CWC22: variants seen among roughly 807,000 people sequenced by gnomAD.
CWC22 encodes CWC22 spliceosome associated protein.
A neutral mutation model predicts 117.2 loss-of-function variants in CWC22; 53 were observed. The observed-to-expected ratio is 0.45, with a 90% CI of 0.36 to 0.57. The LOEUF (loss-of-function observed/expected upper bound fraction) is 0.57. Ranked by LOEUF, CWC22 falls within the 20% of genes least tolerant of loss-of-function variation. The pLI is 0.00. For missense variants in CWC22, 980 were observed against 1,068.8 expected, an observed-to-expected ratio of 0.92 and a Z score of 1.16; for synonymous variants, 360 against 355.6, an observed-to-expected ratio of 1.01 and a Z score of -0.14.
intron 19 of CWC22, among the ~76,000 whole-genome samples, chr2:179,949,207 A>G (rs1024937254): frequency 6.6e-6 from 1 of 152,186 alleles, no homozygotes; most frequent in African/African-American, 2.4e-5. Flanking sequence ...CTACTGAGGG[A>G]CAGAGACACC....
intron 14 of CWC22, among the ~76,000 whole-genome samples, chr2:179,955,331 GGA>G (rs575713900): frequency 1.3e-5 from 2 of 151,806 alleles, no homozygotes; most frequent in African/African-American, 4.8e-5. Context: ...GACATATGAG[GGA>G]GAGATTTAAT....
rs1317159366 is a variant in CWC22 at position 179,950,660 on chromosome 2, A to G, written c.1992T>C (p.Asn664=). The G allele has an allele frequency of 9.9e-6, 16 of 1,613,540 alleles. No homozygotes were observed. Among genetic ancestry groups the G allele is most frequent in the Non-Finnish European group, 1.4e-5 (16 of 1,179,614 alleles). ...IVAQKPDVEQ[N]KSSPSSSSSA... is the part of the protein sequence containing the mutation. Reference sequence around the variant, plus strand: ...AAGAGGAAGAGGATGGGGAGGATTTATTTTGCTCAACATCTGGTTTCTGCG... The same window carrying G: ...AAGAGGAAGAGGATGGGGAGGATTTGTTTTGCTCAACATCTGGTTTCTGCG... The change falls in exon 19 of 20, where the codon AAT becomes AAC. Residue 664 remains asparagine, a synonymous_variant. Transcript: ENST00000410053.
chr2:179,996,941 A>G (rs114395554), intron 1 of CWC22, among the ~76,000 whole-genome samples: 2,071 of 152,260 alleles, frequency 0.014, 20 homozygotes, highest in South Asian at 0.028. Flanking sequence ...AGAAACTAAG[A>G]GAATTTATCA....
At chr2:179,975,367 T>C (rs981522729) in intron 6 of CWC22, among the ~76,000 whole-genome samples, 1 of 152,150 alleles carries the variant, frequency 6.6e-6, no homozygotes, top group African/African-American at 2.4e-5. Flanking sequence ...GCTTTTCCTC[T>C]AGGATCAGGA....
At chr2:180,000,796 T>C (rs1040552795) in intron 1 of CWC22, among the ~76,000 whole-genome samples, 2 of 151,754 alleles carry the variant, frequency 1.3e-5, no homozygotes, top group African/African-American at 4.8e-5. Context: ...TCAGACACTT[T>C]AAGACAGTAA....
chr2:179,971,465 T>G (rs1409051227), intron 8 of CWC22, among the ~76,000 whole-genome samples: 1 of 152,172 alleles, frequency 6.6e-6, no homozygotes, highest in African/African-American at 2.4e-5. Context: ...AGTAATATGA[T>G]TTATAATACC....
intron 6 of CWC22, among the ~76,000 whole-genome samples, chr2:179,975,070 G>A (rs1437699160): frequency 6.6e-6 from 1 of 152,126 alleles, no homozygotes; most frequent in East Asian, 1.9e-4. Flanking sequence ...TTTTTTTAAA[G>A]ATGAATCATA....
intron 14 of CWC22, 44 bp downstream of exon 14, chr2:179,958,977 TA>T (rs749088568): frequency 1.6e-6 from 2 of 1,240,738 alleles, no homozygotes; most frequent in Non-Finnish European, 2.3e-6. Flanking sequence ...TAAACATTTT[TA>T]AAACCAATAT....
intron 2 of CWC22, among the ~76,000 whole-genome samples, 185 bp from the exon 3 acceptor site, chr2:179,988,829 A>T (rs1687485608): frequency 6.6e-6 from 1 of 152,150 alleles, no homozygotes; most frequent in Non-Finnish European, 1.5e-5. Flanking sequence ...AGACCATCCC[A>T]GATAGGCCTG....
intron 1 of CWC22, among the ~76,000 whole-genome samples, chr2:180,002,539 TAC>T (rs1687872397): frequency 6.6e-6 from 1 of 152,178 alleles, no homozygotes; most frequent in African/African-American, 2.4e-5. Context: ...AGAGAAAAAG[TAC>T]AGTCATGGTC....
Position 179,971,002 on chromosome 2 carries a change from A to G in CWC22, c.879T>C (p.Ala293=). 6.2e-7 allele frequency: 1 copy of G among 1,612,286 alleles called. No homozygotes were observed. The highest frequency in any genetic ancestry group is 8.5e-7 in the Non-Finnish European group (1 of 1,178,660). Residue 293 remains alanine, a synonymous_variant, in exon 9 of 20, where the codon GCT becomes GCC. Coordinates refer to ENST00000410053, the MANE Select transcript of CWC22 (RefSeq NM_020943.3). ...ERPTDDSVEV[A]IGFLKECGLK... is the part of the protein sequence containing the mutation. ...GGCCACATTCCTTAAGAAAACCAATAGCTACTTCAACGCTATCATCTGTTG... is the reference window on the plus strand; with the variant it reads ...GGCCACATTCCTTAAGAAAACCAATGGCTACTTCAACGCTATCATCTGTTG...
At chr2:179,998,416 T>C (rs1687762051) in intron 1 of CWC22, among the ~76,000 whole-genome samples, 1 of 152,088 alleles carries the variant, frequency 6.6e-6, no homozygotes, top group Non-Finnish European at 1.5e-5. Context: ...TTTTTAGCCA[T>C]GTTTTTCAGT....
intron 11 of CWC22, among the ~76,000 whole-genome samples, chr2:179,969,134 G>A (rs1686968271): frequency 6.6e-6 from 1 of 152,128 alleles, no homozygotes; most frequent in Admixed American, 6.5e-5. Context: ...TTGCCTAGAT[G>A]CTAAAGAAAT....
rs1194192101 is a variant in CWC22, at chr2:179,945,109, G to A, written c.*20C>T. The A allele has an allele frequency of 1.3e-6, 2 of 1,549,210 alleles. No homozygotes were observed. Among genetic ancestry groups the A allele is most frequent in the Non-Finnish European group, 1.7e-6 (2 of 1,145,534 alleles). The stretch of plus-strand genomic sequence containing the variant: ...TTCAACTGAATATAAGGCATGTCCA[G>A]TTTATGTCATTTTGTAGAATTATTT... On this transcript the variant is annotated 3_prime_UTR_variant, in exon 20 of 20. Coordinates refer to ENST00000410053, the MANE Select transcript of CWC22 (RefSeq NM_020943.3).
chr2:179,983,991 A>G (rs976767257), intron 4 of CWC22, among the ~76,000 whole-genome samples: 1 of 152,154 alleles, frequency 6.6e-6, no homozygotes, highest in Non-Finnish European at 1.5e-5. Context: ...GTAACAAAAT[A>G]TTCTAAAAGT....
At chr2:179,975,559 C>G (rs1168897933) in intron 6 of CWC22, among the ~76,000 whole-genome samples, 1 of 151,976 alleles carries the variant, frequency 6.6e-6, no homozygotes, top group Non-Finnish European at 1.5e-5. Context: ...ATTGTTAGAA[C>G]TAATAAACTA....
Position 179,945,145 on chromosome 2 carries a change from G to A in CWC22, c.2711C>T (p.Pro904Leu). Residue 904 changes from proline to leucine, a missense_variant, in exon 20 of 20, where the codon CCA (proline) becomes CTA (leucine). Around this residue, in one of 3 missense-constraint regions of CWC22, gnomAD observed 306 missense variants for 296.8 expected, o/e 1.03. Transcript: ENST00000410053. ...TTTGTAGAATTATTTTTGTTTTGCT[G>A]GAGACTTTTCTCTTCGCCGGTCCTG... ...KNQDRRREKS[P>L]AKQK is the part of the protein sequence containing the mutation. 3 of 1,593,546 alleles carry A rather than the reference G, an allele frequency of 1.9e-6. No homozygotes were observed. Among genetic ancestry groups the A allele is most frequent in the Non-Finnish European group, 1.7e-6 (2 of 1,173,530 alleles).
intron 11 of CWC22, among the ~76,000 whole-genome samples, chr2:179,966,595 G>C (rs1284333587): frequency 6.6e-6 from 1 of 152,114 alleles, no homozygotes; most frequent in Non-Finnish European, 1.5e-5. Context: ...GACAAGCACT[G>C]TATTAGATGA....
chr2:179,985,350 C>T (rs1284724730), intron 4 of CWC22, among the ~76,000 whole-genome samples: 1 of 152,006 alleles, frequency 6.6e-6, no homozygotes, highest in Non-Finnish European at 1.5e-5. Flanking sequence ...GAGAGTATTT[C>T]CATCTGCAGA....
Sources: gnomAD v4.1 joint callset for allele counts (sites outside exome capture counted in the v4.1 genomes callset) on GRCh38, gnomAD v4.1.1 for gene constraint, gnomAD v4.1.1 regional missense constraint, MANE v1.5 for transcripts, NCBI Gene and HGNC (gene_info 2026-07-23, HGNC 2026-07-21) for gene names.